The following CUEDC2 variants were observed in gnomAD, a reference collection of about 807,000 sequenced individuals.
CUEDC2 encodes CUE domain-containing protein 2.
Under a neutral mutation model 36.0 loss-of-function variants are expected in CUEDC2, and 10 were observed. The ratio of observed to expected loss-of-function variants is 0.28; its 90% CI spans 0.17 to 0.47. The LOEUF (loss-of-function observed/expected upper bound fraction) is 0.47, where lower values mean the gene tolerates loss of function less well. Ranked by LOEUF, CUEDC2 falls within the 20% of genes least tolerant of loss-of-function variation. CUEDC2 has a pLI of 0.99. For missense variants in CUEDC2, 269 were observed against 368.1 expected (o/e 0.73, Z 2.20); for synonymous variants, 133 against 141.8 (o/e 0.94, Z 0.44).
chr10:102,431,207 T>C (rs2061615678), intron 1 of CUEDC2, among the ~76,000 whole-genome samples: 1 of 152,228 alleles, frequency 6.6e-6, no homozygotes, highest in Non-Finnish European at 1.5e-5. Flanking sequence ...TGGTGCGATC[T>C]CAGCTCACTG....
intron 1 of CUEDC2, among the ~76,000 whole-genome samples, chr10:102,429,821 CTT>C (rs55659266): frequency 2.4e-3 from 314 of 132,994 alleles, no homozygotes; most frequent in Non-Finnish European, 2.5e-3. Flanking sequence ...CAGTTTCTTT[CTT>C]TTTTTTTTTT....
chr10:102,424,286 G>A lies in CUEDC2; in HGVS notation c.389C>T (p.Ala130Val), dbSNP rs11550025. The part of the protein sequence containing the change: ...LKEETRSSAA[A>V]AADTQDEATG... Reference sequence around the variant, plus strand: ...TACCTCATCTTGGGTGTCTGCAGCAGCAGCAGCCGAAGACCTAGTCTCTTC... The same window carrying A: ...TACCTCATCTTGGGTGTCTGCAGCAACAGCAGCCGAAGACCTAGTCTCTTC... The change falls in exon 5 of 9, where the codon GCT becomes GTT. Residue 130 changes from alanine to valine, a missense_variant. Ala to Val is a moderately conservative substitution (Grantham distance 64, BLOSUM62 0). Transcript: ENST00000369937. The surrounding 1 kb of genome is among the most constrained non-coding windows in gnomAD (Gnocchi z 4.2). The A allele has an allele frequency of 2.9e-4, 469 of 1,613,980 alleles. No homozygotes were observed. Among genetic ancestry groups the A allele is most frequent in the Non-Finnish European group, 3.7e-4 (440 of 1,179,932 alleles).
At chr10:102,427,781 C>A (rs1180090249) in intron 1 of CUEDC2, among the ~76,000 whole-genome samples, 1 of 152,142 alleles carries the variant, frequency 6.6e-6, no homozygotes, top group Non-Finnish European at 1.5e-5. Flanking sequence ...TGCTTAAAAT[C>A]TATCAATGCC....
rs1224539667 is a variant in CUEDC2, at chr10:102,424,718, T to C, written c.149A>G (p.Glu50Gly). 1.2e-6 allele frequency: 2 copies of C among 1,614,022 alleles called. No homozygotes were observed. The highest frequency in any genetic ancestry group is 1.1e-5 in the South Asian group (1 of 91,076). Reference sequence around the variant, plus strand: ...AGTGAAAGCCTCCATATCGAAGTTCTCCTCTGATGGGCCCGAGGGGCCCAG... The same window carrying C: ...AGTGAAAGCCTCCATATCGAAGTTCCCCTCTGATGGGCCCGAGGGGCCCAG... ...EDLGPSGPSE[E>G]NFDMEAFTEM... The change falls in exon 3 of 9, where the codon GAG becomes GGG. Residue 50 changes from glutamate to glycine, a missense_variant. Glu to Gly is a moderately conservative substitution (Grantham distance 98). Transcript: ENST00000369937. The surrounding 1 kb of genome is among the most constrained non-coding windows in gnomAD (Gnocchi z 4.2).
At chr10:102,431,440 G>A (rs1230858830) in intron 1 of CUEDC2, among the ~76,000 whole-genome samples, 1 of 152,086 alleles carries the variant, frequency 6.6e-6, no homozygotes. Context: ...CACCGCGCCC[G>A]GCCGTATTAT....
At chr10:102,425,023 C>T in intron 2 of CUEDC2, 92 bp downstream of exon 2, 2 of 1,154,772 alleles carry the variant, frequency 1.7e-6, no homozygotes, top group African/African-American at 1.5e-5. Context: ...AGTCAGCCCT[C>T]CTGCTGTCTT....
At chr10:102,429,944 G>A (rs144450686) in intron 1 of CUEDC2, among the ~76,000 whole-genome samples, 1,538 of 147,382 alleles carry the variant, frequency 0.01, 23 homozygotes, top group African/African-American at 0.037. Flanking sequence ...GATTACAGGC[G>A]CCTGCCACAA....
In CUEDC2 at chr10:102,423,348, C is replaced by A; in HGVS notation, c.*78G>T. 1 of 1,565,942 alleles carries A rather than the reference C, an allele frequency of 6.4e-7. No homozygotes were observed. Among genetic ancestry groups the A allele is most frequent in the Non-Finnish European group, 8.8e-7 (1 of 1,141,404 alleles). On this transcript the variant is annotated 3_prime_UTR_variant, in exon 9 of 9. Transcript: ENST00000369937. This position sits in a 1 kb window ranked among gnomAD's most constrained non-coding sequence, Gnocchi z 5.6. The stretch of plus-strand genomic sequence containing the variant: ...AGAAGGGGGACAGGAGTTAGGGGGC[C>A]CCTGTGTAGGGGTATAGGGCTCCTG...
intron 1 of CUEDC2, among the ~76,000 whole-genome samples, chr10:102,426,475 T>C (rs2061597034): frequency 6.6e-6 from 1 of 152,210 alleles, no homozygotes; most frequent in Admixed American, 6.5e-5. Flanking sequence ...CTGCCAAAGC[T>C]GAAACCTGGG....
At chr10:102,432,431 G>GC (rs1334854584) in intron 1 of CUEDC2, 95 bp downstream of exon 1, 1 of 152,502 alleles carries the variant, frequency 6.6e-6, no homozygotes, top group Non-Finnish European at 1.5e-5. Flanking sequence ...GGGCCCCGGG[G>GC]GGGGTACCGT....
intron 1 of CUEDC2, among the ~76,000 whole-genome samples, chr10:102,427,342 C>T (rs1214869715): frequency 6.6e-6 from 1 of 152,262 alleles, no homozygotes; most frequent in East Asian, 1.9e-4. Flanking sequence ...CATCAATTCC[C>T]AAATGTCCAG....
chr10:102,429,555 A>T (rs1342901530), intron 1 of CUEDC2, among the ~76,000 whole-genome samples: 1 of 150,250 alleles, frequency 6.7e-6, no homozygotes, highest in Non-Finnish European at 1.5e-5. Context: ...CACAGGGGTC[A>T]CTTTGGAAAG....
chr10:102,430,883 A>G (rs2061614542), intron 1 of CUEDC2, among the ~76,000 whole-genome samples: 1 of 152,178 alleles, frequency 6.6e-6, no homozygotes, highest in South Asian at 2.1e-4. Flanking sequence ...TTCAAATTCC[A>G]GATGTAGCCC....
At chr10:102,427,031 T>C (rs1458661536) in intron 1 of CUEDC2, among the ~76,000 whole-genome samples, 1 of 152,050 alleles carries the variant, frequency 6.6e-6, no homozygotes, top group Non-Finnish European at 1.5e-5. Flanking sequence ...TTGAACCATA[T>C]GAGCTTGCCA....
intron 1 of CUEDC2, among the ~76,000 whole-genome samples, chr10:102,425,583 G>C (rs2061593333): frequency 6.6e-6 from 1 of 151,592 alleles, no homozygotes; most frequent in African/African-American, 2.4e-5. Context: ...ATCACAAGGG[G>C]CCCCATTGTC....
intron 1 of CUEDC2, among the ~76,000 whole-genome samples, chr10:102,431,797 G>A (rs183223258): frequency 3.5e-4 from 54 of 152,290 alleles, no homozygotes; most frequent in African/African-American, 1.3e-3. Context: ...CAGCTAGCCT[G>A]GGAGCTTCCC....
chr10:102,423,826 C>A lies in CUEDC2; in HGVS notation c.628G>T (p.Asp210Tyr). 1 of 1,613,882 alleles carries A rather than the reference C, an allele frequency of 6.2e-7. No individual in the cohort carries two copies. The highest frequency in any genetic ancestry group is 1.1e-5 in the South Asian group (1 of 91,048). Residue 210 changes from aspartate (D) to tyrosine (Y), a missense_variant, in exon 7 of 9, where the codon GAT (aspartate) becomes TAT (tyrosine). Coordinates refer to ENST00000369937, the MANE Select transcript of CUEDC2 (RefSeq NM_024040.3). The surrounding 1 kb of genome is among the most constrained non-coding windows in gnomAD (Gnocchi z 5.6). The stretch of plus-strand genomic sequence containing the variant: ...TGCAGGATGAAGGACTTCAGCTCAT[C>A]CTTTTGGGGGCCTCTGAGGCGTCTG... The part of the protein sequence containing the change: ...LPRRLRGPQK[D>Y]ELKSFILQKY...
chr10:102,423,409 A>G lies in CUEDC2; in HGVS notation c.*17T>C, dbSNP rs1234480325. ...GGATCTGAGCCTAGAAGGCTCGGGC[A>G]GAGTCCGGCGAGTGCCTCAATGGAA... is the stretch of plus-strand genomic sequence containing the variant. On this transcript the variant is annotated 3_prime_UTR_variant, in exon 9 of 9. Transcript: ENST00000369937. The surrounding 1 kb of genome is among the most constrained non-coding windows in gnomAD (Gnocchi z 5.6). 3 of 1,614,208 alleles carry G rather than the reference A, an allele frequency of 1.9e-6. No homozygotes were observed. The highest frequency in any genetic ancestry group is 2.5e-6 in the Non-Finnish European group (3 of 1,180,042).
chr10:102,428,946 T>C (rs988478405), intron 1 of CUEDC2, among the ~76,000 whole-genome samples: 1 of 147,986 alleles, frequency 6.8e-6, no homozygotes, highest in Non-Finnish European at 1.5e-5. Context: ...GACATGAACC[T>C]GGGAGGCGGA....
Sources: allele counts gnomAD v4.1 joint callset (sites outside exome capture counted in the v4.1 genomes callset), GRCh38; gene constraint gnomAD v4.1.1; non-coding constraint Gnocchi (gnomAD v3.1); transcripts MANE v1.5; gene names NCBI Gene and HGNC (gene_info 2026-07-23, HGNC 2026-07-21).